Variants in ROR2 observed in about 807,000 individuals in gnomAD.
ROR2 encodes tyrosine-protein kinase transmembrane receptor ROR2.
A neutral mutation model predicts 74.9 loss-of-function variants in ROR2; 33 were observed. The ratio of observed to expected loss-of-function variants is 0.44; its 90% confidence interval spans 0.33 to 0.59. The LOEUF (loss-of-function observed/expected upper bound fraction) is 0.59. Among genes scored for constraint, ROR2 ranks in the 20% least tolerant of loss-of-function variants. The probability of loss-of-function intolerance (pLI) is 0.02; values close to 1 mark genes in which losing one functional copy is unlikely to be tolerated. For missense variants in ROR2, 1,216 were observed against 1,313.8 expected, an observed-to-expected ratio of 0.93 and a Z score of 1.15; for synonymous variants, 586 against 558.7, an observed-to-expected ratio of 1.05 and a Z score of -0.69.
intron 1 of ROR2, among the ~76,000 whole-genome samples, chr9:91,783,008 G>A (rs1259940236): frequency 6.6e-6 from 1 of 152,232 alleles, no homozygotes; most frequent in African/African-American, 2.4e-5. Context: ...CCAGGATCAA[G>A]GTGTCAGTAG....
chr9:91,924,834 C>G (rs1489732762), intron 1 of ROR2, among the ~76,000 whole-genome samples: 1 of 151,754 alleles, frequency 6.6e-6, no homozygotes, highest in African/African-American at 2.4e-5. Flanking sequence ...CAAGAGTTTG[C>G]TTTTTTTGTT....
At chr9:91,890,578 G>A (rs1482275439) in intron 1 of ROR2, among the ~76,000 whole-genome samples, 1 of 152,140 alleles carries the variant, frequency 6.6e-6, no homozygotes, top group Non-Finnish European at 1.5e-5. Flanking sequence ...GGAAGCTAAT[G>A]GGTTTCCTAT....
At chr9:91,802,223 G>A (rs1273773679) in intron 1 of ROR2, among the ~76,000 whole-genome samples, 3 of 151,330 alleles carry the variant, frequency 2.0e-5, no homozygotes, top group East Asian at 2.0e-4. Context: ...ACAGGCGCCC[G>A]CCACCAGGCC....
At chr9:91,784,581 T>C (rs985968574) in intron 1 of ROR2, among the ~76,000 whole-genome samples, 3 of 151,928 alleles carry the variant, frequency 2.0e-5, no homozygotes, top group South Asian at 4.2e-4. Context: ...TTGCTGGGAG[T>C]TGCTGGTGTG....
At chr9:91,766,094 G>A (rs951913501) in intron 2 of ROR2, among the ~76,000 whole-genome samples, 7 of 152,170 alleles carry the variant, frequency 4.6e-5, no homozygotes, top group Non-Finnish European at 7.3e-5. Flanking sequence ...TGACATTAAA[G>A]CCCTGCAGGA....
chr9:91,818,981 C>T (rs948866922), intron 1 of ROR2, among the ~76,000 whole-genome samples: 4 of 152,218 alleles, frequency 2.6e-5, no homozygotes, highest in African/African-American at 4.8e-5. Flanking sequence ...ATGACTCCTT[C>T]TTCCATCCCA....
chr9:91,766,207 AG>A (rs1441620177), intron 2 of ROR2, among the ~76,000 whole-genome samples: 1 of 152,166 alleles, frequency 6.6e-6, no homozygotes, highest in Non-Finnish European at 1.5e-5. Context: ...ACTGTTGGTG[AG>A]CTCATGTTAC....
intron 2 of ROR2, among the ~76,000 whole-genome samples, chr9:91,760,479 A>G (rs1292100174): frequency 6.6e-6 from 1 of 152,026 alleles, no homozygotes; most frequent in Non-Finnish European, 1.5e-5. Flanking sequence ...TAAAAATAAA[A>G]AAAAATTAGC....
chr9:91,826,738 C>G, intron 1 of ROR2, among the ~76,000 whole-genome samples: 1 of 150,250 alleles, frequency 6.7e-6, no homozygotes, highest in Non-Finnish European at 1.5e-5. Context: ...GAGCTGAGAT[C>G]GCGCCACTGC....
chr9:91,902,635 T>G (rs1377792495), intron 1 of ROR2, among the ~76,000 whole-genome samples: 1 of 152,000 alleles, frequency 6.6e-6, no homozygotes, highest in Admixed American at 6.5e-5. Flanking sequence ...CCAGCATCAG[T>G]TGGAGAGCTC....
chr9:91,730,010 G>A (rs1379432955), intron 7 of ROR2, among the ~76,000 whole-genome samples: 4 of 152,198 alleles, frequency 2.6e-5, no homozygotes, highest in Non-Finnish European at 5.9e-5. Context: ...AGACTGGAGC[G>A]TAGTGGCACC....
intron 7 of ROR2, among the ~76,000 whole-genome samples, chr9:91,728,777 GCT>G (rs1837133464): frequency 6.6e-6 from 1 of 152,270 alleles, no homozygotes; most frequent in Middle Eastern, 3.4e-3. Flanking sequence ...ATATTTTCCT[GCT>G]CCTGTTTTTT....
intron 1 of ROR2, among the ~76,000 whole-genome samples, chr9:91,927,000 T>A (rs573667085): frequency 6.6e-6 from 1 of 152,306 alleles, no homozygotes; most frequent in East Asian, 1.9e-4. Context: ...AGATGGCACA[T>A]TCTATGTTTT....
intron 1 of ROR2, among the ~76,000 whole-genome samples, chr9:91,922,251 A>G (rs1831289378): frequency 6.6e-6 from 1 of 152,160 alleles, no homozygotes; most frequent in Non-Finnish European, 1.5e-5. Flanking sequence ...GTTCCCCAAA[A>G]AAAAAAACAT....
intron 1 of ROR2, among the ~76,000 whole-genome samples, chr9:91,921,511 C>T (rs147956035): frequency 0.012 from 1,754 of 152,326 alleles, 17 homozygotes; most frequent in Non-Finnish European, 0.017. Context: ...CCGCAGGCCT[C>T]TTTGTGTCAC....
intron 1 of ROR2, among the ~76,000 whole-genome samples, chr9:91,892,373 C>G (rs1830441744): frequency 6.6e-6 from 1 of 152,108 alleles, no homozygotes; most frequent in South Asian, 2.1e-4. Flanking sequence ...TTCCTGGCAC[C>G]CTGGCTCCCA....
intron 1 of ROR2, among the ~76,000 whole-genome samples, chr9:91,799,921 C>G (rs1827317377): frequency 6.6e-6 from 1 of 152,242 alleles, no homozygotes; most frequent in Non-Finnish European, 1.5e-5. Context: ...CAGGGTCCAC[C>G]AAACAGCAAG....
chr9:91,816,372 C>A lies in ROR2; in HGVS notation c.98-40554G>T, dbSNP rs571236467. 2.0e-5 allele frequency among the ~76,000 whole-genome samples: 3 copies of A among 152,320 alleles called. 1 individual carries two copies. The highest frequency in any genetic ancestry group is 7.2e-5 in the African/African-American group (3 of 41,562). On this transcript the variant is annotated intron_variant, in intron 1 of 8. Coordinates refer to ENST00000375708, the MANE Select transcript of ROR2 (RefSeq NM_004560.4). ...ACTAAGCTCCAAATCTTCACCAACC[C>A]CAGCCGAGGACCTGCCCAGGCTCTT... is the stretch of plus-strand genomic sequence containing the variant.
chr9:91,858,131 G>A (rs1441181993), intron 1 of ROR2, among the ~76,000 whole-genome samples: 4 of 152,152 alleles, frequency 2.6e-5, no homozygotes, highest in African/African-American at 9.7e-5. Flanking sequence ...AAAGACCACG[G>A]TTCACCAGGC....
Sources: gnomAD v4.1 joint callset for allele counts (sites outside exome capture counted in the v4.1 genomes callset) on GRCh38, gnomAD v4.1.1 for gene constraint, MANE v1.5 for transcripts, NCBI Gene and HGNC (gene_info 2026-07-23, HGNC 2026-07-21) for gene names.